NR5A1: variants seen among roughly 807,000 people sequenced by gnomAD.
NR5A1 encodes the protein nuclear receptor subfamily 5 group A member 1, also known as steroidogenic factor 1.
Under a neutral mutation model 42.7 loss-of-function variants are expected in NR5A1, and 6 were observed. The observed-to-expected ratio is 0.14, with a 90% CI of 0.08 to 0.28. The LOEUF (loss-of-function observed/expected upper bound fraction) is 0.28, where lower values mean the gene tolerates loss of function less well. Ranked by LOEUF, NR5A1 falls within the 10% of genes least tolerant of loss-of-function variation. The pLI is 1.00. For missense variants in NR5A1, 442 were observed against 626.4 expected (o/e 0.71, Z 3.14); for synonymous variants, 274 against 277.5 (o/e 0.99, Z 0.12).
At position 124,491,109 on chromosome 9, in the gene NR5A1, G is replaced by A. The variant is rs780077206; in HGVS notation, c.1110C>T (p.Cys370=). Residue 370 remains cysteine (C), a synonymous_variant, in exon 6 of 7, where the codon TGC becomes TGT. Coordinates refer to ENST00000373588, the MANE Select transcript of NR5A1 (RefSeq NM_004959.5). ...GGCTGAAGAGGATGATGAACTTGAG[G>A]CAGACAAACTCCTGCCGGTCCAGCT... ...ALQLDRQEFV[C]LKFIILFSLD... is the part of the protein sequence containing the mutation. The A allele has an allele frequency of 3.1e-6, 5 of 1,602,122 alleles. No individual in the cohort carries two copies. In the East Asian group the frequency reaches 1.1e-4, roughly 36 times the overall value.
chr9:124,491,017 A>ACCCCCCCCC, intron 6 of NR5A1, 64 bp downstream of exon 6: 7 of 457,440 alleles, frequency 1.5e-5, no homozygotes, highest in Non-Finnish European at 2.5e-5. Flanking sequence ...CTCCAGCCTC[A>ACCCCCCCCC]CCCACCCTCC....
At chr9:124,493,597 C>T (rs760788764) in intron 4 of NR5A1, among the ~76,000 whole-genome samples, 6 of 152,208 alleles carry the variant, frequency 3.9e-5, no homozygotes, top group Non-Finnish European at 7.3e-5. Context: ...AGCCTGTGGT[C>T]GGTCACACCT....
In NR5A1 at chr9:124,491,166, C is replaced by A. The variant is rs773978626; in HGVS notation, c.1053G>T (p.Ala351=). 5 of 1,609,062 alleles carry A rather than the reference C, an allele frequency of 3.1e-6. No homozygotes were observed. In the East Asian group the frequency reaches 8.9e-5, roughly 29 times the overall value. Residue 351 remains alanine, a synonymous_variant, in exon 6 of 7, where the codon GCG becomes GCT. Coordinates refer to ENST00000373588, the MANE Select transcript of NR5A1 (RefSeq NM_004959.5). The part of the protein sequence containing the change: ...GSLLHSLVLR[A]QELVLQLLAL... Reference sequence around the variant, plus strand: ...CAAGCAGCTGCAGCACCAGCTCCTGCGCCCGCAACACCAGGCTGTGCAGCA... The same window carrying A: ...CAAGCAGCTGCAGCACCAGCTCCTGAGCCCGCAACACCAGGCTGTGCAGCA...
chr9:124,498,536 G>A lies in NR5A1; in HGVS notation c.870+1554C>T, dbSNP rs1239720616. On this transcript the variant is annotated intron_variant, in intron 4 of 6. Transcript: ENST00000373588. This position sits in a 1 kb window ranked among gnomAD's most constrained non-coding sequence, Gnocchi z 4.6. ...GCCCCTCAATCCAGGGTTCTGGAAG[G>A]CCGGGAATGCCCTGCTCCTCCTCCC... Among the ~76,000 whole-genome samples, 1 of 152,208 alleles carries A rather than the reference G, an allele frequency of 6.6e-6. No homozygotes were observed. Among genetic ancestry groups the A allele is most frequent in the African/African-American group, 2.4e-5 (1 of 41,448 alleles).
At chr9:124,504,024 C>CAGAGAGAGAGAGAGAGAGAGAGAGAGAG (rs150663190) in intron 1 of NR5A1, among the ~76,000 whole-genome samples, 1 of 105,910 alleles carries the variant, frequency 9.4e-6, no homozygotes, top group African/African-American at 5.9e-5. Flanking sequence ...GACAGGGAGA[C>CAGAGAGAGAGAGAGAGAGAGAGAGAGAG]AGAGAGAGAG....
chr9:124,502,449 C>T (rs1832484868), intron 3 of NR5A1, among the ~76,000 whole-genome samples: 1 of 152,138 alleles, frequency 6.6e-6, no homozygotes, highest in Admixed American at 6.5e-5. Context: ...CCCACCTCAG[C>T]CTCCTGAGTA....
Position 124,489,750 on chromosome 9 carries a change from C to CT in NR5A1, c.1138+1330_1138+1331insA, listed in dbSNP as rs879938568. Among the ~76,000 whole-genome samples, 929 of 132,172 alleles carry CT rather than the reference C, an allele frequency of 7.0e-3. 6 individuals carry two copies. The highest frequency in any genetic ancestry group is 0.022 in the African/African-American group (787 of 36,188). The allele number at this position is 132,172 out of a possible 152,430, so 86.7% of individuals were successfully genotyped here. A position where few individuals can be genotyped will look rare whatever the true frequency, so the allele number is the denominator to read the frequency against. ...AACTGGCTGCCCAAGATCCTACCCG[C>CT]CCCCCACCCCAATGGCTGTCCCCTG... On this transcript the variant is annotated intron_variant, in intron 6 of 6. Transcript: ENST00000373588.
chr9:124,494,212 A>T (rs1832356365), intron 4 of NR5A1, among the ~76,000 whole-genome samples: 1 of 152,046 alleles, frequency 6.6e-6, no homozygotes, highest in African/African-American at 2.4e-5. Flanking sequence ...AATGCAAACC[A>T]TGACAGCTGA....
chr9:124,485,861 C>T (rs1832200036), intron 6 of NR5A1, among the ~76,000 whole-genome samples: 1 of 152,226 alleles, frequency 6.6e-6, no homozygotes. Flanking sequence ...CCCCACCATC[C>T]TGGGCTGAGC....
chr9:124,486,591 C>T (rs1390185457), intron 6 of NR5A1, among the ~76,000 whole-genome samples: 1 of 152,072 alleles, frequency 6.6e-6, no homozygotes, highest in Non-Finnish European at 1.5e-5. Context: ...TCCGAGATCC[C>T]CCACCCCTGG....
chr9:124,491,401 G>T (rs534119185), intron 5 of NR5A1, among the ~76,000 whole-genome samples, 173 bp from the exon 6 acceptor site: 100 of 152,266 alleles, frequency 6.6e-4, no homozygotes, highest in African/African-American at 2.3e-3. Context: ...CATCTGCACA[G>T]CCCCGGGGAC....
chr9:124,504,849 G>T (rs867821447), intron 1 of NR5A1, among the ~76,000 whole-genome samples: 1 of 146,034 alleles, frequency 6.8e-6, no homozygotes, highest in African/African-American at 2.5e-5. Flanking sequence ...GGCTGGCGGC[G>T]CGGGGGCCTC....
chr9:124,491,036 C>CCCCCCGGGGGG, intron 6 of NR5A1, 45 bp downstream of exon 6: 7 of 1,401,594 alleles, frequency 5.0e-6, no homozygotes, highest in Non-Finnish European at 6.7e-6. Context: ...CCCACCCACC[C>CCCCCCGGGGGG]GCCTCTGGCT....
rs1181409678 is a variant in NR5A1 at position 124,501,312 on chromosome 9, C to T, written c.245-597G>A. On this transcript the variant is annotated intron_variant, in intron 3 of 6. Transcript: ENST00000373588. This position sits in a 1 kb window ranked among gnomAD's most constrained non-coding sequence, Gnocchi z 4.1. Reference sequence around the variant, plus strand: ...GTTGACTGACTGCCTGACTGTTGAGCTCCTGCTTCAAAATGACTCAAGTAT... The same window carrying T: ...GTTGACTGACTGCCTGACTGTTGAGTTCCTGCTTCAAAATGACTCAAGTAT... 6.6e-6 allele frequency among the ~76,000 whole-genome samples: 1 copy of T among 152,226 alleles called. No individual in the cohort carries two copies.
At chr9:124,497,168 C>T (rs1005350231) in intron 4 of NR5A1, among the ~76,000 whole-genome samples, 1 of 152,146 alleles carries the variant, frequency 6.6e-6, no homozygotes, top group African/African-American at 2.4e-5. Flanking sequence ...CCGAAACTGC[C>T]CGCGCTCAGT....
intron 4 of NR5A1, among the ~76,000 whole-genome samples, chr9:124,497,105 C>T (rs949627540): frequency 6.6e-6 from 1 of 152,184 alleles, no homozygotes; most frequent in African/African-American, 2.4e-5. Context: ...CTGCAGGCGT[C>T]GATTAAACAG....
At chr9:124,487,408 G>A (rs1272640507) in intron 6 of NR5A1, among the ~76,000 whole-genome samples, 1 of 152,262 alleles carries the variant, frequency 6.6e-6, no homozygotes, top group Non-Finnish European at 1.5e-5. Context: ...TGGAAGTCAG[G>A]AAATCGAATG....
At chr9:124,490,884 C>A (rs887949277) in intron 6 of NR5A1, among the ~76,000 whole-genome samples, 197 bp downstream of exon 6, 1 of 152,226 alleles carries the variant, frequency 6.6e-6, no homozygotes, top group Non-Finnish European at 1.5e-5. Context: ...GCGGGAGCAG[C>A]CCCCATTTAA....
intron 1 of NR5A1, among the ~76,000 whole-genome samples, chr9:124,504,071 G>A (rs1393060949): frequency 1.3e-5 from 2 of 151,022 alleles, no homozygotes; most frequent in Non-Finnish European, 2.9e-5. Flanking sequence ...GAGAGAGAGA[G>A]AGAAACGAGG....
Sources: allele counts gnomAD v4.1 joint callset (sites outside exome capture counted in the v4.1 genomes callset), GRCh38; gene constraint gnomAD v4.1.1; non-coding constraint Gnocchi (gnomAD v3.1); transcripts MANE v1.5; gene names NCBI Gene and HGNC (gene_info 2026-07-23, HGNC 2026-07-21).